Variants in CLEC20A observed in about 807,000 individuals in gnomAD.
The protein encoded by CLEC20A is putative C-type lectin domain family 20 member A.
chr1:178,497,476 G>A (rs1649427487), upstream of CLEC20A, among the ~76,000 whole-genome samples: 1 of 152,222 alleles, frequency 6.6e-6, no homozygotes, highest in African/African-American at 2.4e-5. Context: ...ACGCCCAGAA[G>A]GAAGGACTTC....
At chr1:178,482,093 CA>C (rs959378665) in intron 7 of CLEC20A, 1,701 of 309,726 alleles carry the variant, frequency 5.5e-3, no homozygotes, top group East Asian at 8.5e-3. Context: ...AAAAAAACAA[CA>C]AAAAAAAAAA....
chr1:178,490,797 A>C (rs1649250859), intron 3 of CLEC20A, among the ~76,000 whole-genome samples: 1 of 152,256 alleles, frequency 6.6e-6, no homozygotes, highest in Admixed American at 6.5e-5. Context: ...GGTTTAGCAC[A>C]GTGATATATT....
intron 3 of CLEC20A, among the ~76,000 whole-genome samples, chr1:178,490,960 T>C: frequency 6.6e-6 from 1 of 152,270 alleles, no homozygotes; most frequent in East Asian, 1.9e-4. Flanking sequence ...CTGAGCAGAA[T>C]AGATGAACTG....
upstream of CLEC20A, chr1:178,499,443 G>T (rs753003768): frequency 6.6e-6 from 1 of 152,110 alleles, no homozygotes; most frequent in Non-Finnish European, 1.5e-5. Context: ...CCTCAATCTG[G>T]GTAGGCAGAA....
At chr1:178,486,347 G>A in intron 5 of CLEC20A, 1 of 398,108 alleles carries the variant, frequency 2.5e-6, no homozygotes, top group Non-Finnish European at 4.4e-6. Context: ...TGGAAGCCAG[G>A]CCTGGTCGCC....
chr1:178,486,228 T>C (rs1312796593), intron 5 of CLEC20A, among the ~76,000 whole-genome samples: 1 of 152,130 alleles, frequency 6.6e-6, no homozygotes, highest in African/African-American at 2.4e-5. Context: ...AGGACCCCTG[T>C]AGGATGCGCT....
At chr1:178,484,706 CAAA>C (rs1470577186) in intron 5 of CLEC20A, 1 of 139,696 alleles carries the variant, frequency 7.2e-6, no homozygotes, top group African/African-American at 2.5e-5. Flanking sequence ...AAACAAAAAG[CAAA>C]AAAAAGTAAG....
At chr1:178,483,241 C>T (rs1649037067) in exon 6 of CLEC20A, 1 of 398,542 alleles carries the variant, frequency 2.5e-6, no homozygotes, top group Non-Finnish European at 4.4e-6. Context: ...GTGGCAGCAG[C>T]TGTATCTCTT....
At chr1:178,493,221 C>G (rs1572159563) in intron 2 of CLEC20A, among the ~76,000 whole-genome samples, 2 of 152,236 alleles carry the variant, frequency 1.3e-5, no homozygotes, top group Non-Finnish European at 2.9e-5. Flanking sequence ...CACACCCCTC[C>G]CTTTGCAGGC....
intron 5 of CLEC20A, among the ~76,000 whole-genome samples, chr1:178,488,195 G>A (rs1265146660): frequency 6.6e-6 from 1 of 152,186 alleles, no homozygotes; most frequent in African/African-American, 2.4e-5. Context: ...CCTCTCACCT[G>A]AGAGACCGTA....
upstream of CLEC20A, chr1:178,497,251 TCTC>T (rs999917622): frequency 6.3e-6 from 2 of 317,832 alleles, no homozygotes; most frequent in African/African-American, 4.3e-5. Context: ...TCTCTTACCT[TCTC>T]CTGCCTTCCT....
intron 3 of CLEC20A, among the ~76,000 whole-genome samples, chr1:178,491,938 T>C (rs1649274430): frequency 6.6e-6 from 1 of 151,984 alleles, no homozygotes; most frequent in African/African-American, 2.4e-5. Flanking sequence ...CTGATTCTAG[T>C]CTGTGATTGG....
In CLEC20A at chr1:178,490,070, A is replaced by G; in HGVS notation, c.829+2T>C. The G allele has an allele frequency of 2.5e-6, 1 of 398,710 alleles. No homozygotes were observed. The highest frequency in any genetic ancestry group is 6.3e-4 in the Middle Eastern group (1 of 1,588). The allele number at this position is 398,710 out of a possible 1,614,324, so 24.7% of individuals were successfully genotyped here. On this transcript the variant is annotated splice_donor_variant, in intron 4 of 7. Coordinates refer to ENST00000623247, the Ensembl canonical transcript of CLEC20A. LOFTEE classifies it high-confidence loss of function. ...GGCCAGCAAGAGCAGACTCTCACTC[A>G]CCATAGAAGCAGAAGAAGGGCAGCA...
At chr1:178,486,025 G>T (rs375856555) in intron 5 of CLEC20A, among the ~76,000 whole-genome samples, 2 of 152,140 alleles carry the variant, frequency 1.3e-5, no homozygotes, top group East Asian at 3.9e-4. Flanking sequence ...AGAAAAATAA[G>T]GTTCAGAGAA....
At chr1:178,492,279 TA>T (rs1010065433) in intron 3 of CLEC20A, among the ~76,000 whole-genome samples, 9 of 150,550 alleles carry the variant, frequency 6.0e-5, no homozygotes, top group African/African-American at 1.9e-4. Flanking sequence ...ATCCGTGTCT[TA>T]AAAAAATAAA....
chr1:178,489,191 C>T (rs940238635), intron 4 of CLEC20A, among the ~76,000 whole-genome samples: 18 of 151,964 alleles, frequency 1.2e-4, no homozygotes, highest in Admixed American at 5.2e-4. Flanking sequence ...GGCAAAACCC[C>T]GTCTCTACCA....
chr1:178,496,664 G>T (rs897005402), intron 1 of CLEC20A: 4 of 395,038 alleles, frequency 1.0e-5, no homozygotes, highest in Middle Eastern at 6.4e-4. Context: ...TGCTGGAGCC[G>T]CACTGTTTCT....
upstream of CLEC20A, among the ~76,000 whole-genome samples, chr1:178,497,795 A>G (rs565125230): frequency 2.6e-5 from 4 of 152,316 alleles, no homozygotes; most frequent in East Asian, 5.8e-4. Context: ...GGAAGGCAAC[A>G]TGGATCTGGT....
At chr1:178,490,276 T>A (rs1336338890) in exon 4 of CLEC20A, 2 of 398,680 alleles carry the variant, frequency 5.0e-6, no homozygotes, top group Non-Finnish European at 8.8e-6. Context: ...CAGGCTTCAG[T>A]CTCACTCATG....
Sources: gnomAD v4.1 joint callset for allele counts (sites outside exome capture counted in the v4.1 genomes callset) on GRCh38, gnomAD v4.1.1 for gene constraint, MANE v1.5 for transcripts, NCBI Gene and HGNC (gene_info 2026-07-23, HGNC 2026-07-21) for gene names.